Variants in NELFB observed in about 807,000 individuals in gnomAD.
NELFB encodes the protein negative elongation factor complex member B.
NELFB carries 34 observed loss-of-function variants against 60.2 expected under a neutral mutation model. That is an observed-to-expected ratio of 0.56 (90% confidence interval 0.43 to 0.75). The LOEUF (loss-of-function observed/expected upper bound fraction) is 0.75, where lower values mean the gene tolerates loss of function less well. Among genes scored for constraint, NELFB ranks in the 30% least tolerant of loss-of-function variants. The pLI is 0.00. For missense variants in NELFB, 770 were observed against 831.6 expected, an observed-to-expected ratio of 0.93 and a Z score of 0.91; for synonymous variants, 459 against 382.1, an observed-to-expected ratio of 1.20 and a Z score of -2.35.
chr9:137,259,222 T>C (rs1830390497), intron 4 of NELFB, among the ~76,000 whole-genome samples: 1 of 152,138 alleles, frequency 6.6e-6, no homozygotes, highest in African/African-American at 2.4e-5. Context: ...TGAGCTATAA[T>C]GCTTTTTGCG....
intron 4 of NELFB, among the ~76,000 whole-genome samples, chr9:137,261,625 T>C (rs1405812254): frequency 6.8e-6 from 1 of 146,204 alleles, no homozygotes; most frequent in Non-Finnish European, 1.5e-5. Context: ...GCCATTGCAC[T>C]CCAGCCTGGG....
At chr9:137,265,383 TAAGC>T (rs1381068498) in intron 6 of NELFB, among the ~76,000 whole-genome samples, 3 of 121,770 alleles carry the variant, frequency 2.5e-5, no homozygotes, top group Non-Finnish European at 5.2e-5. Context: ...TTGCAAACCT[TAAGC>T]TTTTTTTTTT....
chr9:137,256,940 T>G lies in NELFB; in HGVS notation c.627T>G (p.Val209=), dbSNP rs751037466. Residue 209 remains valine, a synonymous_variant, in exon 4 of 13, where the codon GTT becomes GTG. Coordinates refer to ENST00000343053, the MANE Select transcript of NELFB (RefSeq NM_015456.5). Reference sequence around the variant, plus strand: ...ACCAGGCCCTCTTCGGGGACGAGGTTTCCCCACTCCTGAAGCAGTACATCC... The same window carrying G: ...ACCAGGCCCTCTTCGGGGACGAGGTGTCCCCACTCCTGAAGCAGTACATCC... 6.2e-7 allele frequency: 1 copy of G among 1,614,178 alleles called. No homozygotes were observed. Among genetic ancestry groups the G allele is most frequent in the Non-Finnish European group, 8.5e-7 (1 of 1,180,042 alleles).
In NELFB at chr9:137,272,876, C is replaced by G. The variant is rs949230071; in HGVS notation, c.1835C>G (p.Thr612Arg). 7 of 1,547,926 alleles carry G rather than the reference C, an allele frequency of 4.5e-6. No homozygotes were observed. Among genetic ancestry groups the G allele is most frequent in the African/African-American group, 1.4e-5 (1 of 73,096 alleles). Residue 612 changes from threonine to arginine, a missense_variant, in exon 13 of 13, where the codon ACG becomes AGG. Transcript: ENST00000343053. Reference sequence around the variant, plus strand: ...CCCAGCCCGGCACAGGCTGCGGAGACGCCGGCCCTGGAGCTGCCCCTCCCC... The same window carrying G: ...CCCAGCCCGGCACAGGCTGCGGAGAGGCCGGCCCTGGAGCTGCCCCTCCCC...
Position 137,255,660 on chromosome 9 carries a change from C to T in NELFB, c.246+49C>T, listed in dbSNP as rs1034805407. On this transcript the variant is annotated intron_variant, in intron 1 of 12. Coordinates refer to ENST00000343053, the MANE Select transcript of NELFB (RefSeq NM_015456.5). ...GGAGCCCAGTTGGAGGGCCGGGCCG[C>T]CTGCTCGGGAGTCGGGCCTGGCGGA... The T allele has an allele frequency of 2.0e-6, 3 of 1,513,076 alleles. No homozygotes were observed. The South Asian group carries it at 3.7e-5, about 19-fold the overall frequency. The allele number at this position is 1,513,076 out of a possible 1,614,324, so 93.7% of individuals were successfully genotyped here.
chr9:137,261,908 C>T (rs1052075856), intron 4 of NELFB, among the ~76,000 whole-genome samples: 24 of 151,848 alleles, frequency 1.6e-4, no homozygotes, highest in Admixed American at 1.5e-3. Flanking sequence ...GAGCCATCTC[C>T]AATGATAGGT....
At chr9:137,256,674 A>T (rs1304881922) in intron 3 of NELFB, 150 bp from the exon 4 acceptor site, 1 of 761,292 alleles carries the variant, frequency 1.3e-6, no homozygotes, top group African/African-American at 1.8e-5. Context: ...TGTCTGTCTG[A>T]CATGCTGGGG....
chr9:137,265,887 A>G lies in NELFB; in HGVS notation c.1051A>G (p.Met351Val). The change falls in exon 7 of 13, where the codon ATG (methionine) becomes GTG (valine). Residue 351 changes from methionine to valine, a missense_variant. Physicochemically the swap from Met to Val is conservative, Grantham distance 21 (BLOSUM62 1). Transcript: ENST00000343053. ...GCGGCCTCCTTCCAGGGACCTGTCC[A>G]TGATCCTGTGTGACCCCTTCGCCAT... is the stretch of plus-strand genomic sequence containing the variant. The G allele has an allele frequency of 1.2e-6, 2 of 1,612,586 alleles. No individual in the cohort carries two copies. Among genetic ancestry groups the G allele is most frequent in the Non-Finnish European group, 1.7e-6 (2 of 1,179,370 alleles).
chr9:137,265,351 CT>C (rs1830504843), intron 6 of NELFB, among the ~76,000 whole-genome samples: 2 of 130,404 alleles, frequency 1.5e-5, no homozygotes, highest in African/African-American at 5.6e-5. Flanking sequence ...TTTGAAAAAT[CT>C]TTGAATAGGT....
intron 5 of NELFB, among the ~76,000 whole-genome samples, chr9:137,263,672 C>T (rs1040095698): frequency 6.6e-6 from 1 of 151,864 alleles, no homozygotes; most frequent in Non-Finnish European, 1.5e-5. Flanking sequence ...GGGAAGGAGG[C>T]TAGTCCCCTG....
chr9:137,264,488 C>T (rs571791754), intron 6 of NELFB, 131 bp downstream of exon 6: 3 of 700,474 alleles, frequency 4.3e-6, no homozygotes, highest in Middle Eastern at 4.0e-4. Flanking sequence ...TTTTTCGAGA[C>T]AGAGTCTCGT....
intron 4 of NELFB, among the ~76,000 whole-genome samples, chr9:137,260,676 C>A (rs1389852685): frequency 6.6e-6 from 1 of 151,896 alleles, no homozygotes; most frequent in Admixed American, 6.6e-5. Context: ...TGTTCTCGAA[C>A]TCCTGGCCTC....
Position 137,269,189 on chromosome 9 carries a change from AT to A in NELFB, c.1489+1845del, listed in dbSNP as rs1301887857. On this transcript the variant is annotated intron_variant, in intron 10 of 12. Transcript: ENST00000343053. This position sits in a 1 kb window ranked among gnomAD's most constrained non-coding sequence, Gnocchi z 5.3. ...TTTGTGGAGGAAGTTACCTGTGGGT[AT>A]TAACCTGTCCCCAGCCATCCTCTCA... 6.6e-6 allele frequency among the ~76,000 whole-genome samples: 1 copy of A among 152,118 alleles called. No homozygotes were observed. The highest frequency in any genetic ancestry group is 1.5e-5 in the Non-Finnish European group (1 of 68,032).
Position 137,264,232 on chromosome 9 carries a change from T to C in NELFB, c.928-13T>C. On this transcript the variant is annotated splice_polypyrimidine_tract_variant and intron_variant, in intron 5 of 12. Transcript: ENST00000343053. ...AGGTTTGGGCTGGTCCCGACCGTGC[T>C]TCCTCCTTGCAGTTCACCTGGTGCC... The C allele has an allele frequency of 1.3e-6, 2 of 1,570,528 alleles. No individual in the cohort carries two copies. The highest frequency in any genetic ancestry group is 1.7e-6 in the Non-Finnish European group (2 of 1,158,104).
intron 4 of NELFB, among the ~76,000 whole-genome samples, chr9:137,258,937 C>G (rs1325175486): frequency 6.6e-6 from 1 of 152,120 alleles, no homozygotes; most frequent in South Asian, 2.1e-4. Flanking sequence ...GGTACGGTGG[C>G]TCACGCCTGT....
intron 1 of NELFB, 63 bp from the exon 2 acceptor site, chr9:137,255,844 C>CT: frequency 6.3e-7 from 1 of 1,590,318 alleles, no homozygotes; most frequent in South Asian, 1.1e-5. Flanking sequence ...TCCCTGTGCT[C>CT]TCAGGACCTC....
chr9:137,255,743 T>G (rs1837540331), intron 1 of NELFB, 132 bp downstream of exon 1: 1 of 1,423,668 alleles, frequency 7.0e-7, no homozygotes, highest in Admixed American at 2.0e-5. Context: ...GGGGGTGGAG[T>G]CCGGAGCCAG....
chr9:137,260,457 ATTT>A (rs141243622), intron 4 of NELFB, among the ~76,000 whole-genome samples: 20 of 126,636 alleles, frequency 1.6e-4, no homozygotes, highest in East Asian at 9.5e-4. Context: ...AGTTTGTTTT[ATTT>A]TTTTTTTTTT....
At position 137,256,438 on chromosome 9, in the gene NELFB, T is replaced by G; in HGVS notation, c.510+10T>G. 6.2e-7 allele frequency: 1 copy of G among 1,610,664 alleles called. No homozygotes were observed. The highest frequency in any genetic ancestry group is 8.5e-7 in the Non-Finnish European group (1 of 1,177,714). Reference sequence around the variant, plus strand: ...GAAGCACCTGCCCAAGGTAGGGCCCTAACCCTAACCCTGATGGCGTGGACC... The same window carrying G: ...GAAGCACCTGCCCAAGGTAGGGCCCGAACCCTAACCCTGATGGCGTGGACC... On this transcript the variant is annotated intron_variant, in intron 3 of 12. Coordinates refer to ENST00000343053, the MANE Select transcript of NELFB (RefSeq NM_015456.5).
Sources: allele counts gnomAD v4.1 joint callset (sites outside exome capture counted in the v4.1 genomes callset), GRCh38; gene constraint gnomAD v4.1.1; non-coding constraint Gnocchi (gnomAD v3.1); transcripts MANE v1.5; gene names NCBI Gene and HGNC (gene_info 2026-07-23, HGNC 2026-07-21).